LRBA: variants seen among roughly 807,000 people sequenced by gnomAD.
The protein encoded by LRBA is LPS responsive beige-like anchor protein.
A neutral mutation model predicts 330.0 loss-of-function variants in LRBA; 176 were observed. The observed-to-expected ratio is 0.53, with a 90% CI of 0.47 to 0.60. The LOEUF (loss-of-function observed/expected upper bound fraction) is 0.60, where lower values mean the gene tolerates loss of function less well. Among genes scored for constraint, LRBA ranks in the 20% least tolerant of loss-of-function variants. The pLI, the probability that LRBA is intolerant of heterozygous loss-of-function variation, is 0.00. For missense variants in LRBA, 3,259 were observed against 3,444.8 expected (o/e 0.95, Z 1.35); for synonymous variants, 1,230 against 1,193.0 (o/e 1.03, Z -0.64).
intron 46 of LRBA, among the ~76,000 whole-genome samples, chr4:150,418,019 G>GTTTTTTTTT (rs201449584): frequency 7.6e-6 from 1 of 132,338 alleles, no homozygotes. Context: ...TTGGTTTTTT[G>GTTTTTTTTT]TTTTTTTTTT....
chr4:150,632,329 T>C (rs1230661330), intron 37 of LRBA, among the ~76,000 whole-genome samples: 2 of 152,016 alleles, frequency 1.3e-5, no homozygotes, highest in South Asian at 2.1e-4. Context: ...CAACAGAATT[T>C]TTCTGGGACA....
In LRBA at chr4:150,828,060, T is replaced by G. The variant is rs1483078510; in HGVS notation, c.5171+120A>C. 7.8e-6 allele frequency: 6 copies of G among 769,016 alleles called. No individual in the cohort carries two copies. In the African/African-American group the frequency reaches 8.7e-5, roughly 11 times the overall value. The allele number at this position is 769,016 out of a possible 1,614,324, so 47.6% of individuals were successfully genotyped here. A position where few individuals can be genotyped will look rare whatever the true frequency, so the allele number is the denominator to read the frequency against. The stretch of plus-strand genomic sequence containing the variant: ...ACATAAGCTATTGGTAGTTAAGTTC[T>G]GAGGGAGTGAAAAGTTATATGTGGA... On this transcript the variant is annotated intron_variant, in intron 30 of 56. Transcript: ENST00000651943.
intron 37 of LRBA, among the ~76,000 whole-genome samples, chr4:150,672,912 G>C (rs987730519): frequency 6.6e-6 from 1 of 152,002 alleles, no homozygotes; most frequent in Admixed American, 6.6e-5. Flanking sequence ...ATGCATCAAC[G>C]GAAGGAAGAA....
chr4:150,321,049 A>T lies in LRBA; in HGVS notation c.7630+142T>A. ...TATATGCCTCACGTGGGCCTTTTTT[A>T]AGCCTTTCAAACTATTAAACAATTT... is the stretch of plus-strand genomic sequence containing the variant. On this transcript the variant is annotated intron_variant, in intron 50 of 56. Coordinates refer to ENST00000651943, the MANE Select transcript of LRBA (RefSeq NM_001364905.1). The surrounding 1 kb of genome is among the most constrained non-coding windows in gnomAD (Gnocchi z 4.5). 1 of 752,686 alleles carries T rather than the reference A, an allele frequency of 1.3e-6. No individual in the cohort carries two copies. Among genetic ancestry groups the T allele is most frequent in the Non-Finnish European group, 2.1e-6 (1 of 485,908 alleles). The allele number at this position is 752,686 out of a possible 1,614,324, so 46.6% of individuals were successfully genotyped here. A position where few individuals can be genotyped will look rare whatever the true frequency, so the allele number is the denominator to read the frequency against.
intron 40 of LRBA, 71 bp downstream of exon 40, chr4:150,587,977 C>A: frequency 6.8e-7 from 1 of 1,468,384 alleles, no homozygotes; most frequent in Non-Finnish European, 9.1e-7. Context: ...TCAGATTTAC[C>A]AATCCCAATC....
At chr4:150,661,709 C>T (rs886151026) in intron 37 of LRBA, among the ~76,000 whole-genome samples, 1 of 151,992 alleles carries the variant, frequency 6.6e-6, no homozygotes, top group African/African-American at 2.4e-5. Context: ...CTTGAGGGTT[C>T]ATGTGATTCT....
At chr4:150,684,191 A>G (rs1176803907) in intron 36 of LRBA, among the ~76,000 whole-genome samples, 1 of 152,226 alleles carries the variant, frequency 6.6e-6, no homozygotes, top group African/African-American at 2.4e-5. Flanking sequence ...ATAAATTTAC[A>G]TATTAAAATG....
chr4:150,521,712 T>A (rs1266499280), intron 40 of LRBA, among the ~76,000 whole-genome samples: 1 of 152,222 alleles, frequency 6.6e-6, no homozygotes, highest in Non-Finnish European at 1.5e-5. Context: ...AAGAATACAA[T>A]CTCTGTTATT....
chr4:150,781,297 G>T (rs964898225), intron 34 of LRBA, among the ~76,000 whole-genome samples: 1 of 152,244 alleles, frequency 6.6e-6, no homozygotes, highest in Non-Finnish European at 1.5e-5. Flanking sequence ...AGTCCCATCT[G>T]GGGGTGATGG....
chr4:150,619,202 A>G (rs1339777030), intron 37 of LRBA, among the ~76,000 whole-genome samples: 4 of 152,186 alleles, frequency 2.6e-5, no homozygotes, highest in Non-Finnish European at 5.9e-5. Flanking sequence ...AAAGTAATTC[A>G]AAAGGAAAAT....
intron 19 of LRBA, 85 bp from the exon 20 acceptor site, chr4:150,870,691 T>C (rs1433241571): frequency 7.1e-6 from 5 of 707,672 alleles, no homozygotes; most frequent in Non-Finnish European, 1.3e-5. Flanking sequence ...CACTATTAAT[T>C]AACTTTAAGT....
chr4:150,638,368 G>A (rs1053690414), intron 37 of LRBA, among the ~76,000 whole-genome samples: 9 of 152,200 alleles, frequency 5.9e-5, no homozygotes, highest in African/African-American at 1.9e-4. Context: ...ATTTCTCTCA[G>A]TAAAGCTTTA....
chr4:150,444,373 A>AAAAT (rs1752310839), intron 44 of LRBA, among the ~76,000 whole-genome samples: 1 of 152,120 alleles, frequency 6.6e-6, no homozygotes, highest in South Asian at 2.1e-4. Context: ...TCTAGTGAAG[A>AAAAT]AAATAAATAA....
At chr4:150,946,391 TAA>T (rs1474318437) in intron 2 of LRBA, among the ~76,000 whole-genome samples, 2 of 152,074 alleles carry the variant, frequency 1.3e-5, no homozygotes, top group African/African-American at 2.4e-5. Context: ...TCAACAAATT[TAA>T]AGATATTGAA....
chr4:150,271,626 C>T (rs1435311606), intron 56 of LRBA, among the ~76,000 whole-genome samples: 1 of 150,890 alleles, frequency 6.6e-6, no homozygotes, highest in Non-Finnish European at 1.5e-5. Context: ...TTCTTGCTGC[C>T]AGCACAGCAG....
At chr4:150,428,054 T>C (rs1402163684) in intron 46 of LRBA, among the ~76,000 whole-genome samples, 1 of 152,056 alleles carries the variant, frequency 6.6e-6, no homozygotes, top group Non-Finnish European at 1.5e-5. Flanking sequence ...TCACCTCTAC[T>C]GTATATTATT....
intron 28 of LRBA, among the ~76,000 whole-genome samples, chr4:150,842,555 A>T (rs994472001): frequency 7.9e-5 from 12 of 152,254 alleles, no homozygotes; most frequent in Non-Finnish European, 1.6e-4. Flanking sequence ...AGGAGAAAAC[A>T]GCAACATTTG....
intron 56 of LRBA, among the ~76,000 whole-genome samples, chr4:150,271,685 G>A (rs540654859): frequency 6.6e-5 from 10 of 152,286 alleles, no homozygotes; most frequent in African/African-American, 1.2e-4. Flanking sequence ...AGGAGCGTCC[G>A]CCATTGGTGA....
chr4:150,581,509 T>C (rs1581734165), intron 40 of LRBA: 1 of 279,238 alleles, frequency 3.6e-6, no homozygotes, highest in East Asian at 9.2e-5. Context: ...TTGTTACAGT[T>C]TGCACCTTCT....
Sources: allele counts gnomAD v4.1 joint callset (sites outside exome capture counted in the v4.1 genomes callset), GRCh38; gene constraint gnomAD v4.1.1; non-coding constraint Gnocchi (gnomAD v3.1); transcripts MANE v1.5; gene names NCBI Gene and HGNC (gene_info 2026-07-23, HGNC 2026-07-21).